The following SLC39A12 variants were observed in gnomAD, a reference collection of about 807,000 sequenced individuals.
The protein encoded by SLC39A12 is solute carrier family 39 member 12.
In SLC39A12, 63 loss-of-function variants were observed where a neutral mutation model predicts 71.1. The ratio of observed to expected loss-of-function variants is 0.89; its 90% CI spans 0.72 to 1.09. The LOEUF (loss-of-function observed/expected upper bound fraction) is 1.09, where lower values mean the gene tolerates loss of function less well. Ranked by LOEUF, SLC39A12 falls within the 50% of genes least tolerant of loss-of-function variation. SLC39A12 has a pLI of 0.00. For missense variants in SLC39A12, 892 were observed against 812.6 expected (o/e 1.10, Z -1.19); for synonymous variants, 351 against 301.3 (o/e 1.16, Z -1.71).
chr10:17,952,527 G>A (rs1459263886), intron 1 of SLC39A12, among the ~76,000 whole-genome samples: 31 of 132,754 alleles, frequency 2.3e-4, no homozygotes, highest in South Asian at 4.6e-4. Flanking sequence ...TTGTTCTGTC[G>A]CCCAGGCTGG....
At chr10:17,972,435 T>G (rs1381493451) in intron 4 of SLC39A12, among the ~76,000 whole-genome samples, 1 of 152,200 alleles carries the variant, frequency 6.6e-6, no homozygotes, top group East Asian at 1.9e-4. Context: ...AGTGGGGTGT[T>G]GAAGTCTCCA....
chr10:17,978,901 A>T (rs1835184648), intron 5 of SLC39A12, among the ~76,000 whole-genome samples: 1 of 152,194 alleles, frequency 6.6e-6, no homozygotes, highest in African/African-American at 2.4e-5. Flanking sequence ...GGGCAGCAGC[A>T]GTACCACCTG....
intron 5 of SLC39A12, among the ~76,000 whole-genome samples, chr10:17,978,535 C>G (rs1001084063): frequency 6.6e-6 from 1 of 152,128 alleles, no homozygotes; most frequent in Non-Finnish European, 1.5e-5. Context: ...CTGCAGGTGA[C>G]AAGAGTTGAT....
intron 4 of SLC39A12, among the ~76,000 whole-genome samples, chr10:17,975,750 G>A (rs933766049): frequency 2.3e-4 from 35 of 152,236 alleles, no homozygotes; most frequent in African/African-American, 7.2e-4. Context: ...TGTAAAAGTC[G>A]CCGTCCTTGT....
chr10:18,036,794 A>ATATATTTTTTTTTTT (rs1554855475), intron 12 of SLC39A12, among the ~76,000 whole-genome samples: 1 of 92,898 alleles, frequency 1.1e-5, no homozygotes, highest in African/African-American at 4.5e-5. Flanking sequence ...ATATATATAT[A>ATATATTTTTTTTTTT]TTTTTTTTTT....
intron 12 of SLC39A12, among the ~76,000 whole-genome samples, chr10:18,025,552 A>G (rs1836654107): frequency 6.6e-6 from 1 of 152,196 alleles, no homozygotes; most frequent in Non-Finnish European, 1.5e-5. Flanking sequence ...GTCCCTACAA[A>G]GGACATGAAC....
intron 12 of SLC39A12, among the ~76,000 whole-genome samples, chr10:18,041,722 T>C (rs1209371171): frequency 2.7e-5 from 3 of 111,854 alleles, no homozygotes; most frequent in Non-Finnish European, 5.3e-5. Context: ...TACATATGTA[T>C]ATATGTGTAT....
intron 4 of SLC39A12, among the ~76,000 whole-genome samples, chr10:17,970,528 A>G (rs1834940108): frequency 6.6e-6 from 1 of 151,732 alleles, no homozygotes; most frequent in Non-Finnish European, 1.5e-5. Flanking sequence ...TAGGCATTTA[A>G]TTTTATTTGT....
Position 17,953,469 on chromosome 10 carries a change from A to G in SLC39A12, c.193A>G (p.Ile65Val), listed in dbSNP as rs1284682350. Residue 65 changes from isoleucine to valine, a missense_variant, in exon 2 of 13, where the codon ATC (isoleucine) becomes GTC (valine). Transcript: ENST00000377369. ...HPPHNHSRSLIKTLLEKTGCP... is the reference protein window; with the variant it reads ...HPPHNHSRSLVKTLLEKTGCP... ...ACCCCACAACCACTCAAGAAGCCTC[A>G]TCAAAACATTGTTGGAGAAAACTGG... The G allele has an allele frequency of 8.7e-6, 14 of 1,614,110 alleles. No homozygotes were observed. Among genetic ancestry groups the G allele is most frequent in the African/African-American group, 6.7e-5 (5 of 74,952 alleles).
intron 4 of SLC39A12, 40 bp downstream of exon 4, chr10:17,965,730 T>G: frequency 6.6e-7 from 1 of 1,515,898 alleles, no homozygotes; most frequent in Non-Finnish European, 9.1e-7. Context: ...AAGTCACACC[T>G]GCTAAATAAA....
At chr10:17,973,614 A>G (rs377338233) in intron 4 of SLC39A12, among the ~76,000 whole-genome samples, 30 of 152,074 alleles carry the variant, frequency 2.0e-4, no homozygotes, top group Non-Finnish European at 2.9e-5. Context: ...GACATGTTGG[A>G]GTTCCATTGT....
intron 12 of SLC39A12, among the ~76,000 whole-genome samples, chr10:18,021,689 A>G (rs1193638262): frequency 6.6e-6 from 1 of 152,140 alleles, no homozygotes; most frequent in Non-Finnish European, 1.5e-5. Context: ...CTATGTAGAC[A>G]TAATTGTGTA....
chr10:18,022,619 T>C (rs779018131), intron 12 of SLC39A12, among the ~76,000 whole-genome samples: 1 of 152,234 alleles, frequency 6.6e-6, no homozygotes, highest in African/African-American at 2.4e-5. Flanking sequence ...AGATTCTCAA[T>C]TCTATGTCTT....
chr10:18,022,934 A>C (rs928944755), intron 12 of SLC39A12, among the ~76,000 whole-genome samples: 1 of 152,148 alleles, frequency 6.6e-6, no homozygotes, highest in Non-Finnish European at 1.5e-5. Flanking sequence ...TTTGGGCTCT[A>C]ATCCAGTATA....
At chr10:17,959,741 G>T (rs377172030) in intron 2 of SLC39A12, among the ~76,000 whole-genome samples, 1 of 152,132 alleles carries the variant, frequency 6.6e-6, no homozygotes. Context: ...CACAATTCCT[G>T]TGTCTTTTTC....
chr10:18,006,568 CAGAG>C (rs759730784), intron 12 of SLC39A12, among the ~76,000 whole-genome samples: 2 of 152,174 alleles, frequency 1.3e-5, no homozygotes, highest in African/African-American at 4.8e-5. Context: ...CAAACTGAAA[CAGAG>C]AAGGAAGAAA....
At chr10:18,007,333 T>C (rs555058734) in intron 12 of SLC39A12, 19 of 152,274 alleles carry the variant, frequency 1.2e-4, no homozygotes, top group South Asian at 6.2e-4. Flanking sequence ...CTGGTGACCA[T>C]TGTTACCAGG....
chr10:17,954,822 G>A (rs782622590), intron 2 of SLC39A12, among the ~76,000 whole-genome samples: 9 of 152,074 alleles, frequency 5.9e-5, no homozygotes, highest in East Asian at 1.9e-4. Context: ...ATGCAGAGGC[G>A]AGGGAGGGAG....
intron 10 of SLC39A12, among the ~76,000 whole-genome samples, chr10:17,996,131 G>A (rs1050042269): frequency 2.0e-5 from 3 of 152,102 alleles, no homozygotes; most frequent in Admixed American, 6.5e-5. Flanking sequence ...TCACAAATGC[G>A]TCTTATTTAT....
Sources: gnomAD v4.1 joint callset for allele counts (sites outside exome capture counted in the v4.1 genomes callset) on GRCh38, gnomAD v4.1.1 for gene constraint, MANE v1.5 for transcripts, NCBI Gene and HGNC (gene_info 2026-07-23, HGNC 2026-07-21) for gene names.